The following CCDC66 variants were observed in gnomAD, a reference collection of about 807,000 sequenced individuals.
CCDC66 encodes the protein coiled-coil domain-containing protein 66.
A neutral mutation model predicts 128.3 loss-of-function variants in CCDC66; 133 were observed. The ratio of observed to expected loss-of-function variants is 1.04; its 90% confidence interval spans 0.90 to 1.20. The LOEUF (loss-of-function observed/expected upper bound fraction) is 1.20. Among genes scored for constraint, CCDC66 ranks in the 50% most tolerant of loss-of-function variants. CCDC66 has a pLI of 0.00. For synonymous variants in CCDC66, 387 were observed against 357.0 expected (o/e 1.08, Z -0.95); for missense variants, 1,126 against 1,075.5 (o/e 1.05, Z -0.66).
intron 7 of CCDC66, among the ~76,000 whole-genome samples, chr3:56,580,525 C>T (rs1368234966): frequency 6.6e-6 from 1 of 151,802 alleles, no homozygotes; most frequent in Non-Finnish European, 1.5e-5. Flanking sequence ...TACAATTTGG[C>T]ATGTTTTTGC....
At chr3:56,619,602 A>G in intron 16 of CCDC66, 75 bp downstream of exon 16, 1 of 1,512,358 alleles carries the variant, frequency 6.6e-7, no homozygotes, top group South Asian at 1.3e-5. Flanking sequence ...TTAAATTCCA[A>G]ATTAGTAATT....
At chr3:56,601,039 A>G (rs1209824853) in intron 10 of CCDC66, among the ~76,000 whole-genome samples, 1 of 151,612 alleles carries the variant, frequency 6.6e-6, no homozygotes. Flanking sequence ...TGTTTTAGTC[A>G]TTTTGTCCAT....
intron 10 of CCDC66, among the ~76,000 whole-genome samples, chr3:56,603,537 T>A (rs1055764899): frequency 6.6e-6 from 1 of 152,014 alleles, no homozygotes; most frequent in African/African-American, 2.4e-5. Flanking sequence ...CTTAATTTCG[T>A]TATTTACCCA....
intron 7 of CCDC66, among the ~76,000 whole-genome samples, chr3:56,590,773 A>T (rs1209938780): frequency 6.6e-6 from 1 of 152,000 alleles, no homozygotes; most frequent in Non-Finnish European, 1.5e-5. Context: ...AAAAACACAA[A>T]AGAGAATAGG....
chr3:56,610,034 C>T (rs1257445571), intron 10 of CCDC66, among the ~76,000 whole-genome samples: 1 of 152,194 alleles, frequency 6.6e-6, no homozygotes, highest in Admixed American at 6.5e-5. Flanking sequence ...CTTTGGATAA[C>T]CTGATGACAC....
chr3:56,583,163 G>A (rs1246498660), intron 7 of CCDC66, among the ~76,000 whole-genome samples: 2 of 151,558 alleles, frequency 1.3e-5, no homozygotes, highest in Non-Finnish European at 2.9e-5. Flanking sequence ...TGCTGTGCCT[G>A]GCCAACTTTC....
At chr3:56,573,124 G>T (rs35564119) in intron 7 of CCDC66, among the ~76,000 whole-genome samples, 4,852 of 152,232 alleles carry the variant, frequency 0.032, 105 homozygotes, top group Middle Eastern at 0.079. Context: ...CAGTTGAAAT[G>T]TCAATATATA....
chr3:56,617,550 T>C lies in CCDC66; in HGVS notation c.2282T>C (p.Phe761Ser). 1 of 1,609,722 alleles carries C rather than the reference T, an allele frequency of 6.2e-7. No homozygotes were observed. Among genetic ancestry groups the C allele is most frequent in the African/African-American group, 1.3e-5 (1 of 74,560 alleles). The stretch of plus-strand genomic sequence containing the variant: ...AACAGAGGCATTTCACCAGAAATTT[T>C]TCATTCATCTCATCAAGAAACGGAG... The part of the protein sequence containing the change: ...SQNRGISPEI[F>S]HSSHQETESK... The change falls in exon 14 of 18, where the codon TTT (phenylalanine) becomes TCT (serine). Residue 761 changes from phenylalanine to serine, a missense_variant. Phe to Ser is a radical substitution (Grantham distance 155). Coordinates refer to ENST00000394672, the MANE Select transcript of CCDC66 (RefSeq NM_001141947.3).
Position 56,563,936 on chromosome 3 carries a change from C to A in CCDC66, c.355C>A (p.Gln119Lys). The A allele has an allele frequency of 6.2e-7, 1 of 1,613,862 alleles. No homozygotes were observed. Among genetic ancestry groups the A allele is most frequent in the Non-Finnish European group, 8.5e-7 (1 of 1,179,842 alleles). Residue 119 changes from glutamine (Q) to lysine (K), a missense_variant, in exon 4 of 18, where the codon CAG (glutamine) becomes AAG (lysine). Gln to Lys is a moderately conservative substitution (Grantham distance 53). Transcript: ENST00000394672. ...GATTTCACCTGCAACCCCTAATATG[C>A]AGAAGACTAGAAACACCGTAAATAC... ...KEISPATPNMQKTRNTVNTSL... is the reference protein window; with the variant it reads ...KEISPATPNMKKTRNTVNTSL...
chr3:56,594,502 G>A (rs2071509022), intron 10 of CCDC66, among the ~76,000 whole-genome samples: 2 of 152,068 alleles, frequency 1.3e-5, no homozygotes, highest in South Asian at 4.2e-4. Flanking sequence ...TGTGAATGGT[G>A]AAACCCCGTC....
chr3:56,615,835 G>A, intron 12 of CCDC66, 87 bp from the exon 13 acceptor site: 1 of 1,174,664 alleles, frequency 8.5e-7, no homozygotes. Context: ...CTGATTAAGT[G>A]AAAATTATTG....
Position 56,587,555 on chromosome 3 carries a change from A to G in CCDC66, c.937-5415A>G, listed in dbSNP as rs968066385. On this transcript the variant is annotated intron_variant, in intron 7 of 17. Transcript: ENST00000394672. ...AAACGACCAGATCTTACCATGAAAA[A>G]CAATGTGGAGATTCCTTAAAGAACT... Among the ~76,000 whole-genome samples the G allele has an allele frequency of 4.0e-5, 6 of 149,390 alleles. 1 individual carries two copies. In the South Asian group the frequency reaches 1.0e-3, roughly 26 times the overall value.
chr3:56,571,333 A>C (rs2107851106), intron 7 of CCDC66, 31 bp downstream of exon 7: 1 of 1,399,734 alleles, frequency 7.1e-7, no homozygotes, highest in Non-Finnish European at 9.8e-7. Context: ...TTTTTAAAAT[A>C]CTAAGCAGTG....
Position 56,617,543 on chromosome 3 carries a change from GA to G in CCDC66, c.2278del (p.Ile760PhefsTer13). The G allele has an allele frequency of 6.2e-7, 1 of 1,610,024 alleles. No homozygotes were observed. The highest frequency in any genetic ancestry group is 8.5e-7 in the Non-Finnish European group (1 of 1,179,106). On this transcript the variant is annotated frameshift_variant, in exon 14 of 18. Coordinates refer to ENST00000394672, the MANE Select transcript of CCDC66 (RefSeq NM_001141947.3). LOFTEE classifies it high-confidence loss of function. ...HLSQNRGISPEIFHSSHQETE... is the reference protein window; with the variant it reads ...HLSQNRGISPXIFHSSHQETE... ...CTCTCAAAACAGAGGCATTTCACCA[GA>G]AATTTTTCATTCATCTCATCAAGAA...
intron 10 of CCDC66, among the ~76,000 whole-genome samples, chr3:56,598,856 A>T (rs896822478): frequency 6.6e-6 from 1 of 152,008 alleles, no homozygotes; most frequent in Non-Finnish European, 1.5e-5. Flanking sequence ...GTTCATCAAA[A>T]ATAGTGGCCT....
intron 7 of CCDC66, among the ~76,000 whole-genome samples, chr3:56,584,781 C>T (rs143894519): frequency 6.6e-6 from 1 of 152,016 alleles, no homozygotes; most frequent in African/African-American, 2.4e-5. Context: ...GATCACTCCA[C>T]TGCACTCCAG....
intron 7 of CCDC66, among the ~76,000 whole-genome samples, chr3:56,586,473 G>C (rs1195371908): frequency 6.6e-6 from 1 of 151,310 alleles, no homozygotes; most frequent in Admixed American, 6.7e-5. Context: ...AAAGGTTACA[G>C]TGAGCTGAGA....
intron 3 of CCDC66, among the ~76,000 whole-genome samples, chr3:56,562,103 C>G (rs1047090597): frequency 2.0e-5 from 3 of 151,536 alleles, no homozygotes; most frequent in African/African-American, 7.3e-5. Context: ...TGCAGTGGGA[C>G]AATTATGGCT....
At position 56,574,966 on chromosome 3, in the gene CCDC66, A is replaced by G. The variant is rs373216997; in HGVS notation, c.936+3664A>G. Among the ~76,000 whole-genome samples, 752 of 151,858 alleles carry G rather than the reference A, an allele frequency of 5.0e-3. 12 individuals are homozygous for G. The highest frequency in any genetic ancestry group is 0.01 in the Middle Eastern group (3 of 294). On this transcript the variant is annotated intron_variant, in intron 7 of 17. Transcript: ENST00000394672. ...ATGGATAGAAATTTGGATTGTTTCT[A>G]CCTTTTGGCTATTGGGAATAATGCT...
Sources: allele counts gnomAD v4.1 joint callset (sites outside exome capture counted in the v4.1 genomes callset), GRCh38; gene constraint gnomAD v4.1.1; transcripts MANE v1.5; gene names NCBI Gene and HGNC (gene_info 2026-07-23, HGNC 2026-07-21).